The following ELAPOR1 variants were observed in gnomAD, a reference collection of about 807,000 sequenced individuals.
ELAPOR1 encodes endosome-lysosome associated apoptosis and autophagy regulator 1.
In ELAPOR1, 77 loss-of-function variants were observed where a neutral mutation model predicts 119.7. The observed-to-expected ratio is 0.64, with a 90% CI of 0.54 to 0.78. The LOEUF is 0.78. Ranked by LOEUF, ELAPOR1 falls within the 30% of genes least tolerant of loss-of-function variation. ELAPOR1 has a pLI of 0.00. For synonymous variants in ELAPOR1, 481 were observed against 487.2 expected (o/e 0.99, Z 0.17); for missense variants, 1,115 against 1,270.4 (o/e 0.88, Z 1.86).
chr1:109,172,529 G>A lies in ELAPOR1; in HGVS notation c.657G>A (p.Arg219=), dbSNP rs1651985326. The change falls in exon 5 of 22, where the codon AGG becomes AGA. Residue 219 remains arginine, a synonymous_variant. Transcript: ENST00000369939. ...GCCAGCCCAATGCAGATGACTCCAG[G>A]TGGATGAAGACCACAGAGAAAGGAT... The part of the protein sequence containing the change: ...DQCQPNADDS[R]WMKTTEKGWE... 1 of 1,613,906 alleles carries A rather than the reference G, an allele frequency of 6.2e-7. No individual in the cohort carries two copies. Among genetic ancestry groups the A allele is most frequent in the Non-Finnish European group, 8.5e-7 (1 of 1,179,864 alleles).
rs1235884194 is a variant in ELAPOR1 at position 109,205,387 on chromosome 1, G to A, written c.*2375G>A. 6.6e-6 allele frequency: 1 copy of A among 152,254 alleles called. No homozygotes were observed. The highest frequency in any genetic ancestry group is 1.9e-4 in the East Asian group (1 of 5,198). The allele number at this position is 152,254 out of a possible 1,614,324, so 9.4% of individuals were successfully genotyped here. The stretch of plus-strand genomic sequence containing the variant: ...TGGCAATGGCTTTGTAAGAGTCAAT[G>A]AGAACTAGAGCCAGGCTGTGGTCCC... On this transcript the variant is annotated 3_prime_UTR_variant, in exon 22 of 22. Transcript: ENST00000369939.
chr1:109,192,679 G>C lies in ELAPOR1; in HGVS notation c.1752G>C (p.Val584=). ...ATGTCACCAATGTTATGAATGGTGTGGCCTCCTACTGCCGTCCCTGTGCCC... is the reference window on the plus strand; with the variant it reads ...ATGTCACCAATGTTATGAATGGTGTCGCCTCCTACTGCCGTCCCTGTGCCC... ...SINVTNVMNG[V]ASYCRPCALE... Residue 584 remains valine (V), a synonymous_variant, in exon 14 of 22, where the codon GTG becomes GTC. Coordinates refer to ENST00000369939, the MANE Select transcript of ELAPOR1 (RefSeq NM_020775.5). 1 of 1,614,044 alleles carries C rather than the reference G, an allele frequency of 6.2e-7. No individual in the cohort carries two copies. Among genetic ancestry groups the C allele is most frequent in the Non-Finnish European group, 8.5e-7 (1 of 1,179,970 alleles).
At chr1:109,158,757 GACAGATCACTGAGTAAACTGAGTA>G (rs958165481) in intron 1 of ELAPOR1, among the ~76,000 whole-genome samples, 3 of 152,160 alleles carry the variant, frequency 2.0e-5, no homozygotes, top group Non-Finnish European at 4.4e-5. Flanking sequence ...TATACTTTCA[GACAGATCACTGAGTAAACTGAGTA>G]ACAGATCACT....
intron 1 of ELAPOR1, among the ~76,000 whole-genome samples, chr1:109,140,982 G>T (rs938204029): frequency 3.9e-5 from 6 of 152,048 alleles, no homozygotes; most frequent in Non-Finnish European, 7.4e-5. Flanking sequence ...CTCCCAAGTA[G>T]CAGGGATTAC....
intron 1 of ELAPOR1, among the ~76,000 whole-genome samples, chr1:109,120,177 C>A (rs558452014): frequency 2.6e-5 from 4 of 152,230 alleles, no homozygotes; most frequent in East Asian, 3.9e-4. Context: ...GCAGGCTGAT[C>A]GCTTGAGGCC....
chr1:109,183,518 CT>C (rs1224030916), intron 7 of ELAPOR1, among the ~76,000 whole-genome samples: 1 of 151,926 alleles, frequency 6.6e-6, no homozygotes, highest in Non-Finnish European at 1.5e-5. Context: ...CAGAAGAAAA[CT>C]GATAGTTCAC....
At chr1:109,132,356 C>T (rs536821035) in intron 1 of ELAPOR1, among the ~76,000 whole-genome samples, 1 of 152,220 alleles carries the variant, frequency 6.6e-6, no homozygotes, top group Non-Finnish European at 1.5e-5. Flanking sequence ...CCATGTTGGC[C>T]AGGCTGGTCT....
At chr1:109,118,310 G>T (rs1211200411) in intron 1 of ELAPOR1, among the ~76,000 whole-genome samples, 1 of 152,190 alleles carries the variant, frequency 6.6e-6, no homozygotes, top group Non-Finnish European at 1.5e-5. Context: ...CCTGGGACTT[G>T]CAAGCAGACC....
intron 14 of ELAPOR1, 91 bp downstream of exon 14, chr1:109,192,965 T>G (rs1653546666): frequency 7.0e-7 from 1 of 1,429,210 alleles, no homozygotes. Context: ...CTTGAGAGGC[T>G]GATACCCGAG....
At chr1:109,171,042 G>T (rs1277104610) in intron 3 of ELAPOR1, among the ~76,000 whole-genome samples, 1 of 152,170 alleles carries the variant, frequency 6.6e-6, no homozygotes, top group African/African-American at 2.4e-5. Flanking sequence ...AAGAATATCT[G>T]TGTCTACTGA....
At chr1:109,197,713 G>A (rs1483840720) in intron 16 of ELAPOR1, 59 bp downstream of exon 16, 4 of 1,449,418 alleles carry the variant, frequency 2.8e-6, no homozygotes, top group Non-Finnish European at 3.8e-6. Context: ...GTGTGTGTGT[G>A]TATGTGTAAG....
At chr1:109,187,339 C>T (rs1653116663) in intron 8 of ELAPOR1, 12 of 985,372 alleles carry the variant, frequency 1.2e-5, no homozygotes, top group African/African-American at 1.7e-5. Flanking sequence ...GGAAGAGGGC[C>T]GAGCTGAGCA....
At chr1:109,137,695 A>G (rs972781715) in intron 1 of ELAPOR1, among the ~76,000 whole-genome samples, 1 of 145,966 alleles carries the variant, frequency 6.9e-6, no homozygotes, top group Admixed American at 7.0e-5. Flanking sequence ...CCCCCGGCTA[A>G]TTTTGTATTT....
rs759221298 is a variant in ELAPOR1 at position 109,114,235 on chromosome 1, A to G, written c.52A>G (p.Thr18Ala). 6.2e-6 allele frequency: 10 copies of G among 1,605,352 alleles called. No individual in the cohort carries two copies. Residue 18 changes from threonine to alanine, a missense_variant, in exon 1 of 22, where the codon ACT becomes GCT. Thr to Ala is a moderately conservative substitution (Grantham distance 58). Transcript: ENST00000369939. Reference sequence around the variant, plus strand: ...TCTCTCCGCCAGAGTCAGGGGAAGAACTGAGAGGCGCATACCCCGGCTGTG... The same window carrying G: ...TCTCTCCGCCAGAGTCAGGGGAAGAGCTGAGAGGCGCATACCCCGGCTGTG... ...HHLSARVRGRTERRIPRLWRL... is the reference protein window; with the variant it reads ...HHLSARVRGRAERRIPRLWRL...
chr1:109,174,842 A>G (rs1361682793), intron 7 of ELAPOR1, among the ~76,000 whole-genome samples: 1 of 152,012 alleles, frequency 6.6e-6, no homozygotes, highest in Non-Finnish European at 1.5e-5. Flanking sequence ...CAGGCTCCTG[A>G]GTAGTTGGGA....
chr1:109,172,141 C>T, intron 4 of ELAPOR1, 128 bp downstream of exon 4: 1 of 1,201,942 alleles, frequency 8.3e-7, no homozygotes, highest in South Asian at 1.4e-5. Flanking sequence ...CTGGAGAGAG[C>T]TGTGGGCAAA....
intron 1 of ELAPOR1, among the ~76,000 whole-genome samples, chr1:109,146,897 G>A (rs1010134565): frequency 1.2e-4 from 18 of 151,606 alleles, no homozygotes; most frequent in African/African-American, 4.4e-4. Flanking sequence ...AAGCCAACAT[G>A]CCTGGCTATT....
At chr1:109,200,307 G>A in intron 20 of ELAPOR1, 70 bp downstream of exon 20, 6 of 1,547,366 alleles carry the variant, frequency 3.9e-6, no homozygotes, top group Non-Finnish European at 5.3e-6. Flanking sequence ...ATATCTGAAA[G>A]TATAAATTAA....
At chr1:109,156,415 C>T (rs1009774287) in intron 1 of ELAPOR1, among the ~76,000 whole-genome samples, 21 of 152,242 alleles carry the variant, frequency 1.4e-4, no homozygotes, top group African/African-American at 2.9e-4. Flanking sequence ...GTGCTACCAT[C>T]GGCACCACCA....
Sources: gnomAD v4.1 joint callset for allele counts (sites outside exome capture counted in the v4.1 genomes callset) on GRCh38, gnomAD v4.1.1 for gene constraint, MANE v1.5 for transcripts, NCBI Gene and HGNC (gene_info 2026-07-23, HGNC 2026-07-21) for gene names.